The following FTO variants were observed in gnomAD, a reference collection of about 807,000 sequenced individuals.
FTO encodes the protein FTO alpha-ketoglutarate dependent dioxygenase, also known as alpha-ketoglutarate-dependent dioxygenase FTO.
Under a neutral mutation model 63.9 loss-of-function variants are expected in FTO, and 47 were observed. The observed-to-expected ratio is 0.74, with a 90% CI of 0.58 to 0.94. The LOEUF is 0.94. Among genes scored for constraint, FTO ranks in the 40% least tolerant of loss-of-function variants. The pLI is 0.00. For synonymous variants in FTO, 207 were observed against 224.4 expected (o/e 0.92, Z 0.69); for missense variants, 562 against 618.1 (o/e 0.91, Z 0.96).
chr16:53,906,476 T>TG (rs2151935267), intron 7 of FTO, among the ~76,000 whole-genome samples: 1 of 152,236 alleles, frequency 6.6e-6, no homozygotes, highest in Admixed American at 6.5e-5. Context: ...CTTCATTCTG[T>TG]GGGGGACTCG....
intron 8 of FTO, among the ~76,000 whole-genome samples, chr16:53,953,891 A>G (rs1424844772): frequency 3.3e-5 from 5 of 152,208 alleles, no homozygotes; most frequent in African/African-American, 9.6e-5. Context: ...TTGTGAAACA[A>G]TGTGTGGTGA....
At chr16:53,881,503 G>T (rs929465837) in intron 6 of FTO, among the ~76,000 whole-genome samples, 3 of 152,148 alleles carry the variant, frequency 2.0e-5, no homozygotes, top group Admixed American at 6.5e-5. Flanking sequence ...CACAAGACAC[G>T]CAGAAGCACA....
chr16:53,763,429 G>A (rs771076597), intron 1 of FTO, among the ~76,000 whole-genome samples: 2 of 152,160 alleles, frequency 1.3e-5, no homozygotes, highest in Non-Finnish European at 2.9e-5. Context: ...AATGTAGTAT[G>A]TCTGTTTTTT....
intron 8 of FTO, chr16:53,984,811 GATTATTTTA>G: frequency 2.4e-6 from 1 of 409,946 alleles, no homozygotes; most frequent in Non-Finnish European, 4.8e-6. Flanking sequence ...ATTGGGATAT[GATTATTTTA>G]ATTATTTTAA....
intron 1 of FTO, among the ~76,000 whole-genome samples, chr16:53,716,894 AAT>A (rs2075906846): frequency 6.6e-6 from 1 of 150,694 alleles, no homozygotes. Flanking sequence ...GCTTATATAT[AAT>A]ATATACAGTA....
rs759095824 is a variant in FTO, at chr16:54,111,880, GA to G, written c.1485del (p.Glu495AspfsTer58). 1.2e-6 allele frequency: 2 copies of G among 1,614,062 alleles called. No homozygotes were observed. The highest frequency in any genetic ancestry group is 1.7e-6 in the Non-Finnish European group (2 of 1,180,028). On this transcript the variant is annotated frameshift_variant, in exon 9 of 9. Coordinates refer to ENST00000471389, the MANE Select transcript of FTO (RefSeq NM_001080432.3). LOFTEE classifies it high-confidence loss of function. ...GTTTGACCTCACAGACATCGTTTCA[GA>G]ACTCAGAGGTCAGCTTCTGGAAGCA... ...LPFDLTDIVS[E>X]LRGQLLEAKP is the part of the protein sequence containing the mutation.
At chr16:53,964,530 G>A (rs2083154344) in intron 8 of FTO, among the ~76,000 whole-genome samples, 1 of 152,144 alleles carries the variant, frequency 6.6e-6, no homozygotes. Flanking sequence ...TTCATTGGCT[G>A]GGGTTTAATA....
chr16:53,922,248 T>G (rs1460214277), intron 7 of FTO, among the ~76,000 whole-genome samples: 1 of 152,150 alleles, frequency 6.6e-6, no homozygotes, highest in African/African-American at 2.4e-5. Flanking sequence ...TATTGTTTAT[T>G]AGTTGGGTTG....
chr16:54,024,119 T>G (rs1334541247), intron 8 of FTO, among the ~76,000 whole-genome samples: 1 of 152,212 alleles, frequency 6.6e-6, no homozygotes, highest in Non-Finnish European at 1.5e-5. Flanking sequence ...ATTAGATGGT[T>G]TCTCTTGAAT....
At position 53,773,229 on chromosome 16, in the gene FTO, T is replaced by C. The variant is rs550560376; in HGVS notation, c.46-36911T>C. On this transcript the variant is annotated intron_variant, in intron 1 of 8. Transcript: ENST00000471389. ...AGCAAGCATTTAGTTTGGGGAGCCC[T>C]CCAAATGTGATTTCTTCTACTCCTG... is the stretch of plus-strand genomic sequence containing the variant. Among the ~76,000 whole-genome samples the C allele has an allele frequency of 5.3e-5, 8 of 152,194 alleles. No homozygotes were observed. In the South Asian group the frequency reaches 1.7e-3, roughly 32 times the overall value.
At chr16:54,000,462 G>A (rs1165914637) in intron 8 of FTO, among the ~76,000 whole-genome samples, 1 of 152,098 alleles carries the variant, frequency 6.6e-6, no homozygotes, top group Non-Finnish European at 1.5e-5. Context: ...GCTAAGCGGG[G>A]GACATTCTGG....
chr16:54,013,705 C>T (rs182927844), intron 8 of FTO, among the ~76,000 whole-genome samples: 1 of 152,294 alleles, frequency 6.6e-6, no homozygotes, highest in Admixed American at 6.5e-5. Flanking sequence ...TTGCTAAAGG[C>T]TCAGATAATT....
rs560149847 is a variant in FTO, at chr16:54,104,942, T to C, written c.1365-6820T>C. On this transcript the variant is annotated intron_variant, in intron 8 of 8. Transcript: ENST00000471389. ...CGAGGTTTTAAAAATAGGACTTGTA[T>C]CACATAAGAAGAGGGATACTGAGGC... 2.6e-5 allele frequency among the ~76,000 whole-genome samples: 4 copies of C among 152,360 alleles called. No homozygotes were observed. The East Asian group carries it at 5.8e-4, about 22-fold the overall frequency.
chr16:53,742,911 G>T (rs959025525), intron 1 of FTO, among the ~76,000 whole-genome samples: 1 of 152,156 alleles, frequency 6.6e-6, no homozygotes, highest in Non-Finnish European at 1.5e-5. Context: ...GGGGACAGGG[G>T]TAACTGGAGC....
chr16:54,075,275 T>C (rs1273984529), intron 8 of FTO, among the ~76,000 whole-genome samples: 4 of 152,200 alleles, frequency 2.6e-5, no homozygotes, highest in African/African-American at 9.6e-5. Flanking sequence ...CTGTTGGTAA[T>C]GGCAATATTA....
intron 8 of FTO, among the ~76,000 whole-genome samples, chr16:53,975,053 T>A (rs190718238): frequency 6.6e-6 from 1 of 152,124 alleles, no homozygotes; most frequent in African/African-American, 2.4e-5. Flanking sequence ...ATATTTCTAT[T>A]TCTAAATTGA....
At chr16:54,037,692 TTA>T (rs2084972892) in intron 8 of FTO, among the ~76,000 whole-genome samples, 1 of 152,194 alleles carries the variant, frequency 6.6e-6, no homozygotes, top group Non-Finnish European at 1.5e-5. Flanking sequence ...GGTTTAAATT[TTA>T]TAGACTCTTC....
intron 8 of FTO, among the ~76,000 whole-genome samples, chr16:54,017,513 G>A (rs1379261090): frequency 2.0e-5 from 3 of 152,120 alleles, no homozygotes; most frequent in Non-Finnish European, 2.9e-5. Context: ...GCACTCTTAG[G>A]CGCTTCTAGG....
At chr16:53,952,500 CA>C (rs1265667827) in intron 8 of FTO, among the ~76,000 whole-genome samples, 2 of 151,614 alleles carry the variant, frequency 1.3e-5, no homozygotes, top group Non-Finnish European at 1.5e-5. Flanking sequence ...GTCAGTGGAG[CA>C]AAAAAAATCT....
Sources: gnomAD v4.1 joint callset for allele counts (sites outside exome capture counted in the v4.1 genomes callset) on GRCh38, gnomAD v4.1.1 for gene constraint, MANE v1.5 for transcripts, NCBI Gene and HGNC (gene_info 2026-07-23, HGNC 2026-07-21) for gene names.